The following COX7B2 variants were observed in gnomAD, a reference collection of about 807,000 sequenced individuals.
COX7B2 encodes cytochrome c oxidase subunit 7B2, also known as cytochrome c oxidase subunit 7B2, mitochondrial.
For synonymous variants in COX7B2, 37 were observed against 32.1 expected, an observed-to-expected ratio of 1.15 and a Z score of -0.51; for missense variants, 109 against 95.9, an observed-to-expected ratio of 1.14 and a Z score of -0.57.
intron 1 of COX7B2, among the ~76,000 whole-genome samples, chr4:46,893,573 C>T (rs1023467206): frequency 6.6e-6 from 1 of 152,008 alleles, no homozygotes; most frequent in Non-Finnish European, 1.5e-5. Flanking sequence ...GCAGCTATTG[C>T]ATCAATGAGG....
chr4:46,814,045 G>A (rs372799950), intron 2 of COX7B2, among the ~76,000 whole-genome samples: 2 of 152,234 alleles, frequency 1.3e-5, no homozygotes, highest in African/African-American at 4.8e-5. Flanking sequence ...AATGCTGGTG[G>A]GGATGTGGAG....
chr4:46,908,184 A>T (rs1431459360), intron 1 of COX7B2, among the ~76,000 whole-genome samples: 1 of 151,914 alleles, frequency 6.6e-6, no homozygotes, highest in East Asian at 1.9e-4. Flanking sequence ...CCCCCTATGT[A>T]GGCCTGGCAC....
chr4:46,818,440 T>C (rs1714006596), intron 2 of COX7B2, among the ~76,000 whole-genome samples: 1 of 152,046 alleles, frequency 6.6e-6, no homozygotes, highest in Non-Finnish European at 1.5e-5. Context: ...GCGACCATCC[T>C]GGCTAACACA....
chr4:46,763,033 ATATATAT>A (rs1200627848), intron 2 of COX7B2, among the ~76,000 whole-genome samples: 1 of 135,048 alleles, frequency 7.4e-6, no homozygotes, highest in Non-Finnish European at 1.5e-5. Context: ...ATATAATATA[ATATATAT>A]TATATATTAT....
At position 46,820,660 on chromosome 4, in the gene COX7B2, A is replaced by T. The variant is rs150815078; in HGVS notation, c.-50+24300T>A. Among the ~76,000 whole-genome samples the T allele has an allele frequency of 5.0e-3, 754 of 152,080 alleles. 3 individuals carry two copies. The highest frequency in any genetic ancestry group is 0.017 in the African/African-American group (720 of 41,490). On this transcript the variant is annotated intron_variant, in intron 2 of 2. Coordinates refer to ENST00000355591, the MANE Select transcript of COX7B2 (RefSeq NM_130902.3). ...CTGACCAACAAACCCCGTCTCTACTAAAAATACAAAATTAGCTGGGCATGG... is the reference window on the plus strand; with the variant it reads ...CTGACCAACAAACCCCGTCTCTACTTAAAATACAAAATTAGCTGGGCATGG...
At chr4:46,804,098 G>C (rs1398123122) in intron 2 of COX7B2, among the ~76,000 whole-genome samples, 1 of 152,104 alleles carries the variant, frequency 6.6e-6, no homozygotes, top group Non-Finnish European at 1.5e-5. Flanking sequence ...TGAAGCTGCA[G>C]ACCTTCACAG....
intron 2 of COX7B2, among the ~76,000 whole-genome samples, chr4:46,808,395 T>C (rs1719111301): frequency 6.6e-6 from 1 of 151,884 alleles, no homozygotes; most frequent in South Asian, 2.1e-4. Flanking sequence ...AACTTTGCCA[T>C]ATTCATTTAT....
chr4:46,768,995 T>C (rs1716714374), intron 2 of COX7B2, among the ~76,000 whole-genome samples: 1 of 151,970 alleles, frequency 6.6e-6, no homozygotes, highest in African/African-American at 2.4e-5. Context: ...ATGATATCAA[T>C]ACTGAATTAT....
At chr4:46,788,156 T>C (rs762613213) in intron 2 of COX7B2, among the ~76,000 whole-genome samples, 9 of 152,172 alleles carry the variant, frequency 5.9e-5, no homozygotes, top group Non-Finnish European at 1.0e-4. Flanking sequence ...AAACAAAGTA[T>C]GAGATAAGAA....
intron 1 of COX7B2, among the ~76,000 whole-genome samples, chr4:46,893,085 G>A (rs1719537582): frequency 6.6e-6 from 1 of 152,100 alleles, no homozygotes; most frequent in South Asian, 2.1e-4. Context: ...AAATTACCCA[G>A]TCTCAGGTAT....
At chr4:46,746,966 TA>T (rs1179322861) in intron 2 of COX7B2, among the ~76,000 whole-genome samples, 1 of 152,162 alleles carries the variant, frequency 6.6e-6, no homozygotes, top group Non-Finnish European at 1.5e-5. Context: ...CAGATAATGA[TA>T]AGGTTTCAAT....
intron 2 of COX7B2, among the ~76,000 whole-genome samples, chr4:46,765,949 C>T (rs986064106): frequency 5.3e-5 from 8 of 151,940 alleles, no homozygotes; most frequent in Admixed American, 3.9e-4. Flanking sequence ...TACTCCAGCA[C>T]TAGGATGGTC....
chr4:46,756,455 T>A (rs1383388203), intron 2 of COX7B2, among the ~76,000 whole-genome samples: 1 of 152,040 alleles, frequency 6.6e-6, no homozygotes, highest in Non-Finnish European at 1.5e-5. Flanking sequence ...AAATTGAATT[T>A]AATTAAACTA....
intron 1 of COX7B2, among the ~76,000 whole-genome samples, chr4:46,845,582 T>G (rs1716226940): frequency 6.6e-6 from 1 of 152,110 alleles, no homozygotes; most frequent in Admixed American, 6.6e-5. Flanking sequence ...TTTACTACTT[T>G]AGAGTATATG....
At chr4:46,870,518 A>C (rs1717922125) in intron 1 of COX7B2, among the ~76,000 whole-genome samples, 1 of 152,158 alleles carries the variant, frequency 6.6e-6, no homozygotes. Flanking sequence ...AAGTGCATCC[A>C]AATACGAAGA....
chr4:46,748,279 G>C (rs940306134), intron 2 of COX7B2, among the ~76,000 whole-genome samples: 5 of 151,950 alleles, frequency 3.3e-5, no homozygotes, highest in African/African-American at 1.2e-4. Flanking sequence ...CTCAAATACT[G>C]GCAATGACCA....
intron 2 of COX7B2, among the ~76,000 whole-genome samples, chr4:46,799,852 T>C (rs1421443095): frequency 2.6e-5 from 4 of 152,174 alleles, no homozygotes; most frequent in African/African-American, 2.4e-5. Context: ...GGTATCAAAA[T>C]AATGCTTCAT....
At chr4:46,874,701 G>T (rs1718214770) in intron 1 of COX7B2, among the ~76,000 whole-genome samples, 2 of 151,912 alleles carry the variant, frequency 1.3e-5, no homozygotes, top group Non-Finnish European at 2.9e-5. Context: ...ATGTAGACTA[G>T]ATAAACTACT....
intron 2 of COX7B2, among the ~76,000 whole-genome samples, chr4:46,825,894 G>A (rs1407800044): frequency 6.6e-6 from 1 of 151,956 alleles, no homozygotes; most frequent in East Asian, 1.9e-4. Context: ...TAGATTAAAG[G>A]TTTAAATGTA....
Sources: allele counts gnomAD v4.1 joint callset (sites outside exome capture counted in the v4.1 genomes callset), GRCh38; gene constraint gnomAD v4.1.1; transcripts MANE v1.5; gene names NCBI Gene and HGNC (gene_info 2026-07-23, HGNC 2026-07-21).